Variants in PRKCH observed in about 807,000 individuals in gnomAD.
PRKCH encodes protein kinase C eta.
In PRKCH, 28 loss-of-function variants were observed where a neutral mutation model predicts 82.5. The ratio of observed to expected loss-of-function variants is 0.34; its 90% CI spans 0.25 to 0.47. PRKCH has a LOEUF of 0.47. Among genes scored for constraint, PRKCH ranks in the 20% least tolerant of loss-of-function variants. The probability of loss-of-function intolerance (pLI) is 1.00; values close to 1 mark genes in which losing one functional copy is unlikely to be tolerated. For missense variants in PRKCH, 705 were observed against 881.8 expected, an observed-to-expected ratio of 0.80 and a Z score of 2.54; for synonymous variants, 322 against 327.4, an observed-to-expected ratio of 0.98 and a Z score of 0.18.
chr14:61,218,048 C>T (rs1417825510), intron 1 of PRKCH, among the ~76,000 whole-genome samples: 3 of 152,122 alleles, frequency 2.0e-5, no homozygotes, highest in African/African-American at 7.2e-5. Flanking sequence ...TCGGACCCGG[C>T]GCGTTTCGTT....
intron 1 of PRKCH, among the ~76,000 whole-genome samples, chr14:61,347,611 G>A (rs2140144413): frequency 6.6e-6 from 1 of 152,316 alleles, no homozygotes; most frequent in Middle Eastern, 3.4e-3. Context: ...ATTAAGTAGA[G>A]GCTGTGTGAG....
intron 1 of PRKCH, among the ~76,000 whole-genome samples, chr14:61,234,521 A>G (rs2044771897): frequency 6.6e-6 from 1 of 152,158 alleles, no homozygotes. Flanking sequence ...GCACACACTC[A>G]TGAAGGTGTG....
chr14:61,204,651 C>G (rs2044508151), intron 1 of PRKCH, among the ~76,000 whole-genome samples: 1 of 151,710 alleles, frequency 6.6e-6, no homozygotes, highest in Non-Finnish European at 1.5e-5. Flanking sequence ...GCCGCAGCCA[C>G]TCAGGAGGCT....
At chr14:61,341,074 G>A (rs2045925341) in intron 1 of PRKCH, among the ~76,000 whole-genome samples, 1 of 152,156 alleles carries the variant, frequency 6.6e-6, no homozygotes, top group Non-Finnish European at 1.5e-5. Flanking sequence ...TAAACTGCCT[G>A]GATGAGCTGT....
At chr14:61,480,914 C>G (rs1298664586) in intron 9 of PRKCH, among the ~76,000 whole-genome samples, 2 of 152,098 alleles carry the variant, frequency 1.3e-5, no homozygotes, top group African/African-American at 4.8e-5. Context: ...TTCCTGACAC[C>G]TCCCACCTCA....
chr14:61,446,935 T>A (rs1195867505), intron 4 of PRKCH, among the ~76,000 whole-genome samples: 1 of 152,258 alleles, frequency 6.6e-6, no homozygotes, highest in Non-Finnish European at 1.5e-5. Flanking sequence ...TGCCTGGATA[T>A]TTGATGGCCT....
chr14:61,326,093 G>A (rs1392792611), intron 1 of PRKCH, among the ~76,000 whole-genome samples: 1 of 152,174 alleles, frequency 6.6e-6, no homozygotes, highest in Non-Finnish European at 1.5e-5. Flanking sequence ...ATAACTTACT[G>A]TTTAGTATTT....
intron 1 of PRKCH, among the ~76,000 whole-genome samples, chr14:61,371,388 C>T (rs1566843173): frequency 6.6e-6 from 1 of 151,978 alleles, no homozygotes; most frequent in Non-Finnish European, 1.5e-5. Context: ...GTTAGGATCC[C>T]ATTCAAGATA....
chr14:61,321,941 C>A lies in PRKCH; in HGVS notation c.-161C>A, dbSNP rs2045630231. 4 of 699,328 alleles carry A rather than the reference C, an allele frequency of 5.7e-6. No homozygotes were observed. In the South Asian group the frequency reaches 6.3e-5, roughly 11 times the overall value. The allele number at this position is 699,328 out of a possible 1,614,324, so 43.3% of individuals were successfully genotyped here. On this transcript the variant is annotated 5_prime_UTR_variant, in exon 1 of 14. Transcript: ENST00000332981. This position sits in a 1 kb window ranked among gnomAD's most constrained non-coding sequence, Gnocchi z 4.1. ...GGAAGGAGGGGAGGGAAAAGTCCCA[C>A]GGAGGAGGCAGAATGGCCAGTCGAG...
At chr14:61,227,931 C>T (rs528228483) in intron 1 of PRKCH, among the ~76,000 whole-genome samples, 222 of 152,258 alleles carry the variant, frequency 1.5e-3, no homozygotes, top group African/African-American at 4.9e-3. Flanking sequence ...TAGCAATTTG[C>T]TTCTACCCTA....
chr14:61,199,170 T>TA (rs1446163341), intron 1 of PRKCH, among the ~76,000 whole-genome samples: 2 of 152,238 alleles, frequency 1.3e-5, no homozygotes. Flanking sequence ...AAAATCAATT[T>TA]AACATTGAAT....
At chr14:61,305,299 T>C (rs889765716) in intron 1 of PRKCH, 4 of 151,700 alleles carry the variant, frequency 2.6e-5, no homozygotes, top group Non-Finnish European at 5.9e-5. Flanking sequence ...TCCTCCCACC[T>C]CAGCCTCCCA....
intron 1 of PRKCH, among the ~76,000 whole-genome samples, chr14:61,377,093 T>A (rs2046436717): frequency 6.6e-6 from 1 of 152,206 alleles, no homozygotes; most frequent in Non-Finnish European, 1.5e-5. Flanking sequence ...ATCTCCCAGG[T>A]CATCTACTGT....
chr14:61,507,385 A>T (rs1887194531), intron 10 of PRKCH, among the ~76,000 whole-genome samples: 1 of 152,192 alleles, frequency 6.6e-6, no homozygotes, highest in South Asian at 2.1e-4. Context: ...GGTTCCTCAA[A>T]AAAATTACAA....
At chr14:61,464,649 G>C (rs1430923930) in intron 9 of PRKCH, among the ~76,000 whole-genome samples, 1 of 152,100 alleles carries the variant, frequency 6.6e-6, no homozygotes, top group Admixed American at 6.5e-5. Flanking sequence ...TTGATTTTCT[G>C]TTCCTGTGTT....
At chr14:61,347,139 G>A (rs374932191) in intron 1 of PRKCH, among the ~76,000 whole-genome samples, 28 of 152,284 alleles carry the variant, frequency 1.8e-4, no homozygotes, top group African/African-American at 6.7e-4. Context: ...TCCTAAAACT[G>A]TGAAGTGAAA....
At chr14:61,370,675 G>A (rs1365494257) in intron 1 of PRKCH, among the ~76,000 whole-genome samples, 2 of 152,168 alleles carry the variant, frequency 1.3e-5, no homozygotes, top group Non-Finnish European at 2.9e-5. Flanking sequence ...TATGTTAGAT[G>A]TTCATTGGAA....
intron 1 of PRKCH, among the ~76,000 whole-genome samples, chr14:61,233,832 C>T (rs2044764759): frequency 6.6e-6 from 1 of 152,222 alleles, no homozygotes; most frequent in South Asian, 2.1e-4. Flanking sequence ...GTCAATTAAG[C>T]CTCTTTCCTT....
intron 2 of PRKCH, among the ~76,000 whole-genome samples, chr14:61,414,274 C>CT (rs151041093): frequency 0.031 from 4,382 of 141,086 alleles, 103 homozygotes; most frequent in Non-Finnish European, 0.044. Context: ...TTCATTTAAT[C>CT]TTTTTTTTTT....
Sources: allele counts gnomAD v4.1 joint callset (sites outside exome capture counted in the v4.1 genomes callset), GRCh38; gene constraint gnomAD v4.1.1; non-coding constraint Gnocchi (gnomAD v3.1); transcripts MANE v1.5; gene names NCBI Gene and HGNC (gene_info 2026-07-23, HGNC 2026-07-21).